DUSP4: variants seen among roughly 807,000 people sequenced by gnomAD.
The protein encoded by DUSP4 is dual specificity phosphatase 4.
A neutral mutation model predicts 27.2 loss-of-function variants in DUSP4; 12 were observed. The ratio of observed to expected loss-of-function variants is 0.44; its 90% CI spans 0.28 to 0.71. DUSP4 has a LOEUF of 0.71. Among genes scored for constraint, DUSP4 ranks in the 30% least tolerant of loss-of-function variants. The pLI, the probability that DUSP4 is intolerant of heterozygous loss-of-function variation, is 0.14. For missense variants in DUSP4, 448 were observed against 551.3 expected (o/e 0.81, Z 1.88); for synonymous variants, 257 against 245.2 (o/e 1.05, Z -0.45).
In DUSP4 at chr8:29,333,440, C is replaced by A. The variant is rs1817525269; in HGVS notation, c.*3586G>T. The A allele has an allele frequency of 6.6e-6, 1 of 152,220 alleles. No homozygotes were observed. The allele number at this position is 152,220 out of a possible 1,614,324, so 9.4% of individuals were successfully genotyped here. ...CACCGTATTGAGTCCCTTAACAAGG[C>A]TCCACAGATCAGCTGGCTTTCAAAA... is the stretch of plus-strand genomic sequence containing the variant. On this transcript the variant is annotated 3_prime_UTR_variant, in exon 4 of 4. Coordinates refer to ENST00000240100, the MANE Select transcript of DUSP4 (RefSeq NM_001394.7).
rs149484679 is a variant in DUSP4, at chr8:29,337,776, T to C, written c.800-365A>G. ...TTCAAGACTAGCCTGGGCAATATGA[T>C]GAAACTGTCTCTACAAAAATACAAA... On this transcript the variant is annotated intron_variant, in intron 3 of 3. Transcript: ENST00000240100. The surrounding 1 kb of genome is among the most constrained non-coding windows in gnomAD (Gnocchi z 6.4). Among the ~76,000 whole-genome samples the C allele has an allele frequency of 0.012, 1,862 of 152,052 alleles. 38 individuals are homozygous for C. Among genetic ancestry groups the C allele is most frequent in the African/African-American group, 0.043 (1,783 of 41,432 alleles).
chr8:29,337,013 C>T lies in DUSP4; in HGVS notation c.*13G>A. On this transcript the variant is annotated 3_prime_UTR_variant, in exon 4 of 4. Transcript: ENST00000240100. The surrounding 1 kb of genome is among the most constrained non-coding windows in gnomAD (Gnocchi z 6.4). Reference sequence around the variant, plus strand: ...TGGGAGCCAGCTCTGGTTCTGGGGCCCCCAGGGCGGCTCTAACAGCTGGGA... The same window carrying T: ...TGGGAGCCAGCTCTGGTTCTGGGGCTCCCAGGGCGGCTCTAACAGCTGGGA... The T allele has an allele frequency of 6.3e-7, 1 of 1,577,560 alleles. No individual in the cohort carries two copies. The highest frequency in any genetic ancestry group is 8.6e-7 in the Non-Finnish European group (1 of 1,162,612).
Position 29,350,383 on chromosome 8 carries a change from G to GAAGT in DUSP4, c.-109_-106dup, listed in dbSNP as rs1393696636. ...CGAGAGCTAAGAAGGGACGCCTGCA[G>GAAGT]AAGTGGCCGCAAACTTGGTCCTCAA... is the stretch of plus-strand genomic sequence containing the variant. On this transcript the variant is annotated 5_prime_UTR_variant, in exon 1 of 4. Transcript: ENST00000240100. The GAAGT allele has an allele frequency of 3.6e-6, 5 of 1,371,324 alleles. No individual in the cohort carries two copies. The highest frequency in any genetic ancestry group is 4.8e-6 in the Non-Finnish European group (5 of 1,039,822). The allele number at this position is 1,371,324 out of a possible 1,614,324, so 84.9% of individuals were successfully genotyped here.
At chr8:29,338,899 G>A (rs577357258) in intron 2 of DUSP4, among the ~76,000 whole-genome samples, 4 of 152,324 alleles carry the variant, frequency 2.6e-5, no homozygotes, top group Admixed American at 6.5e-5. Flanking sequence ...TATTCACTGG[G>A]CATATCAAAA....
chr8:29,339,409 T>C (rs1587045222), intron 2 of DUSP4, among the ~76,000 whole-genome samples: 1 of 152,100 alleles, frequency 6.6e-6, no homozygotes. Context: ...GGCTGATACG[T>C]GGGAGCAGCC....
chr8:29,350,520 G>C lies in DUSP4; in HGVS notation c.-242C>G, dbSNP rs770896505. The C allele has an allele frequency of 5.6e-5, 30 of 531,262 alleles. No homozygotes were observed. The highest frequency in any genetic ancestry group is 7.5e-5 in the Non-Finnish European group (23 of 306,100). The allele number at this position is 531,262 out of a possible 1,614,324, so 32.9% of individuals were successfully genotyped here. On this transcript the variant is annotated 5_prime_UTR_variant, in exon 1 of 4. Transcript: ENST00000240100. ...CCAGCCGGGCGGCGCGCAGAGCGGA[G>C]GGGGAGGCGCCGGTGGAGGAGAGTG...
At position 29,339,257 on chromosome 8, in the gene DUSP4, C is replaced by T. The variant is rs565773681; in HGVS notation, c.580-756G>A. On this transcript the variant is annotated intron_variant, in intron 2 of 3. Coordinates refer to ENST00000240100, the MANE Select transcript of DUSP4 (RefSeq NM_001394.7). ...GAGAGAGGATCTTGGCAAAATGAGGCAACAGTGGCTTAAATTTAGCACATG... is the reference window on the plus strand; with the variant it reads ...GAGAGAGGATCTTGGCAAAATGAGGTAACAGTGGCTTAAATTTAGCACATG... 3.3e-5 allele frequency among the ~76,000 whole-genome samples: 5 copies of T among 152,300 alleles called. No homozygotes were observed. In the East Asian group the frequency reaches 9.7e-4, roughly 29 times the overall value.
intron 1 of DUSP4, chr8:29,345,228 A>G: frequency 9.8e-7 from 1 of 1,018,318 alleles, no homozygotes; most frequent in Non-Finnish European, 1.4e-6. Flanking sequence ...TCTTGCCAGA[A>G]AAGTCATGCT....
chr8:29,343,270 G>C (rs1280478813), intron 1 of DUSP4, among the ~76,000 whole-genome samples: 3 of 152,154 alleles, frequency 2.0e-5, no homozygotes, highest in African/African-American at 4.8e-5. Flanking sequence ...CAGCTTTTGG[G>C]GGTCTGTGGC....
chr8:29,340,686 G>GA (rs1245583914), intron 1 of DUSP4, among the ~76,000 whole-genome samples: 3 of 152,190 alleles, frequency 2.0e-5, no homozygotes, highest in African/African-American at 7.2e-5. Flanking sequence ...AGAAAGAAGG[G>GA]AAAAAATGAC....
intron 1 of DUSP4, chr8:29,348,523 C>G (rs1681626077): frequency 1.0e-6 from 1 of 985,434 alleles, no homozygotes; most frequent in East Asian, 1.1e-4. Context: ...AACCAAAGGT[C>G]AACAGCAGCG....
chr8:29,349,766 T>C (rs1227147008), intron 1 of DUSP4, 80 bp downstream of exon 1: 2 of 1,402,462 alleles, frequency 1.4e-6, no homozygotes, highest in Admixed American at 6.1e-5. Context: ...CGGGGACTCC[T>C]TCCCGTGCCA....
rs1299313066 is a variant in DUSP4, at chr8:29,337,757, A to G, written c.800-346T>C. Among the ~76,000 whole-genome samples, 1 of 152,122 alleles carries G rather than the reference A, an allele frequency of 6.6e-6. No individual in the cohort carries two copies. The highest frequency in any genetic ancestry group is 6.5e-5 in the Admixed American group (1 of 15,278). ...GATAACTTGAGCTCAGGAGTTCAAG[A>G]CTAGCCTGGGCAATATGATGAAACT... is the stretch of plus-strand genomic sequence containing the variant. On this transcript the variant is annotated intron_variant, in intron 3 of 3. Coordinates refer to ENST00000240100, the MANE Select transcript of DUSP4 (RefSeq NM_001394.7). The surrounding 1 kb of genome is among the most constrained non-coding windows in gnomAD (Gnocchi z 6.4).
intron 2 of DUSP4, among the ~76,000 whole-genome samples, chr8:29,339,205 C>T (rs563015312): frequency 8.5e-5 from 13 of 152,310 alleles, no homozygotes; most frequent in African/African-American, 3.1e-4. Flanking sequence ...AATAAATAAG[C>T]TGATGCCCTC....
rs142053823 is a variant in DUSP4 at position 29,343,920 on chromosome 8, C to T, written c.434-3677G>A. 9.4e-3 allele frequency among the ~76,000 whole-genome samples: 1,429 copies of T among 152,326 alleles called. 15 individuals carry two copies. The highest frequency in any genetic ancestry group is 0.044 in the Middle Eastern group (13 of 294). ...CAGTCCCTCCTACCCATCCCCAAAT[C>T]CATGCAAGTACCATAGCCACAGCCC... is the stretch of plus-strand genomic sequence containing the variant. On this transcript the variant is annotated intron_variant, in intron 1 of 3. Transcript: ENST00000240100.
chr8:29,348,599 C>G (rs1422064963), intron 1 of DUSP4: 1 of 985,452 alleles, frequency 1.0e-6, no homozygotes, highest in Non-Finnish European at 1.2e-6. Flanking sequence ...CCCCCGCTGT[C>G]CGGCAGGGGC....
In DUSP4 at chr8:29,345,737, C is replaced by T. The variant is rs550610874; in HGVS notation, c.433+4109G>A. 847 of 1,342,270 alleles carry T rather than the reference C, an allele frequency of 6.3e-4. 11 individuals are homozygous for T. In the South Asian group the frequency reaches 0.015, roughly 24 times the overall value. The allele number at this position is 1,342,270 out of a possible 1,614,324, so 83.1% of individuals were successfully genotyped here. A position where few individuals can be genotyped will look rare whatever the true frequency, so the allele number is the denominator to read the frequency against. The stretch of plus-strand genomic sequence containing the variant: ...CAGGATAAGCCCAAGGAAGTTGTGA[C>T]GGTCTAAAGGGTCAAATTTCACTCT... On this transcript the variant is annotated intron_variant, in intron 1 of 3. Coordinates refer to ENST00000240100, the MANE Select transcript of DUSP4 (RefSeq NM_001394.7).
rs887701962 is a variant in DUSP4, at chr8:29,333,442, C to A, written c.*3584G>T. The A allele has an allele frequency of 6.6e-6, 1 of 152,220 alleles. No homozygotes were observed. Among genetic ancestry groups the A allele is most frequent in the Non-Finnish European group, 1.5e-5 (1 of 68,044 alleles). 9.4% of individuals were successfully genotyped at this position (152,220 alleles called of 1,614,324 possible). On this transcript the variant is annotated 3_prime_UTR_variant, in exon 4 of 4. Coordinates refer to ENST00000240100, the MANE Select transcript of DUSP4 (RefSeq NM_001394.7). ...CCGTATTGAGTCCCTTAACAAGGCT[C>A]CACAGATCAGCTGGCTTTCAAAAAG...
chr8:29,338,949 T>G (rs905126804), intron 2 of DUSP4, among the ~76,000 whole-genome samples: 19 of 152,358 alleles, frequency 1.2e-4, no homozygotes, highest in Admixed American at 1.0e-3. Context: ...CTCAGCACTT[T>G]AGGAGGCTGA....
Sources: gnomAD v4.1 joint callset for allele counts (sites outside exome capture counted in the v4.1 genomes callset) on GRCh38, gnomAD v4.1.1 for gene constraint, Gnocchi (gnomAD v3.1) non-coding constraint, MANE v1.5 for transcripts, NCBI Gene and HGNC (gene_info 2026-07-23, HGNC 2026-07-21) for gene names.